Variants in TTC39B observed in about 807,000 individuals in gnomAD.
The protein encoded by TTC39B is tetratricopeptide repeat domain 39B, also known as tetratricopeptide repeat protein 39B.
In TTC39B, 92 loss-of-function variants were observed where a neutral mutation model predicts 96.6. The ratio of observed to expected loss-of-function variants is 0.95; its 90% CI spans 0.80 to 1.13. TTC39B has a LOEUF of 1.13. Ranked by LOEUF, TTC39B falls within the 50% of genes most tolerant of loss-of-function variation. The pLI is 0.00. For synonymous variants in TTC39B, 367 were observed against 299.4 expected, an observed-to-expected ratio of 1.23 and a Z score of -2.33; for missense variants, 955 against 809.3, an observed-to-expected ratio of 1.18 and a Z score of -2.18.
chr9:15,302,473 C>T (rs958185381), intron 1 of TTC39B, among the ~76,000 whole-genome samples: 4 of 123,188 alleles, frequency 3.2e-5, no homozygotes, highest in Admixed American at 1.1e-4. Flanking sequence ...AAAAATTAGC[C>T]GGGTGTGGTG....
intron 1 of TTC39B, among the ~76,000 whole-genome samples, chr9:15,281,362 T>C (rs955691028): frequency 5.3e-5 from 8 of 152,144 alleles, no homozygotes; most frequent in African/African-American, 1.9e-4. Flanking sequence ...CGAAATAATG[T>C]CAGCTCCCAT....
At chr9:15,261,077 C>G (rs910097630) in intron 2 of TTC39B, among the ~76,000 whole-genome samples, 1 of 152,222 alleles carries the variant, frequency 6.6e-6, no homozygotes, top group African/African-American at 2.4e-5. Context: ...CCTGACTTCT[C>G]TAAACTACCA....
intron 1 of TTC39B, among the ~76,000 whole-genome samples, chr9:15,285,564 G>C (rs926267704): frequency 6.6e-6 from 1 of 152,150 alleles, no homozygotes. Flanking sequence ...ATTTTTAAAA[G>C]AATATACAGG....
intron 2 of TTC39B, among the ~76,000 whole-genome samples, chr9:15,257,580 C>G (rs1352451420): frequency 1.3e-5 from 2 of 152,006 alleles, no homozygotes; most frequent in African/African-American, 4.8e-5. Flanking sequence ...TCCCAAGTAG[C>G]TGGAACTACA....
intron 1 of TTC39B, among the ~76,000 whole-genome samples, chr9:15,281,218 T>C (rs1407645665): frequency 6.6e-6 from 1 of 152,106 alleles, no homozygotes; most frequent in Non-Finnish European, 1.5e-5. Flanking sequence ...GTGTGTGGTC[T>C]TGGGCAAGGT....
chr9:15,295,507 C>T (rs570474), intron 1 of TTC39B, among the ~76,000 whole-genome samples: 72,570 of 152,104 alleles, frequency 0.48, 17,698 homozygotes, highest in East Asian at 0.65. Context: ...TTCCCTTCTG[C>T]TTCTTCTGTA....
rs1300159489 is a variant in TTC39B, at chr9:15,249,987, C to A, written c.275+17927G>T. The A allele has an allele frequency of 3.1e-6, 4 of 1,286,980 alleles. No homozygotes were observed. The Admixed American group carries it at 6.9e-5, about 22-fold the overall frequency. 79.7% of individuals were successfully genotyped at this position (1,286,980 alleles called of 1,614,324 possible). On this transcript the variant is annotated intron_variant, in intron 2 of 19. Transcript: ENST00000512701. ...CTATGAAGATGTCTTTCCCTCTCTT[C>A]TACCAGATTTTTTTTTAAGCCAACT...
chr9:15,237,240 G>A (rs148558837), intron 2 of TTC39B, among the ~76,000 whole-genome samples: 106 of 152,244 alleles, frequency 7.0e-4, no homozygotes, highest in African/African-American at 2.1e-3. Flanking sequence ...ACTTGAACCC[G>A]GGAGGCGGAG....
At chr9:15,301,682 G>A (rs1461885662) in intron 1 of TTC39B, among the ~76,000 whole-genome samples, 1 of 151,970 alleles carries the variant, frequency 6.6e-6, no homozygotes, top group African/African-American at 2.4e-5. Context: ...CTTGAACCCG[G>A]GAGGCAGAGG....
chr9:15,180,965 C>T (rs1818218934), intron 17 of TTC39B, among the ~76,000 whole-genome samples: 1 of 152,184 alleles, frequency 6.6e-6, no homozygotes, highest in Admixed American at 6.5e-5. Flanking sequence ...GTATCCCCCG[C>T]CCTGCTTAAA....
At chr9:15,274,807 G>A (rs1281122643) in intron 1 of TTC39B, among the ~76,000 whole-genome samples, 1 of 151,522 alleles carries the variant, frequency 6.6e-6, no homozygotes, top group African/African-American at 2.4e-5. Flanking sequence ...AATAGACTTA[G>A]AAAAAACTGG....
At chr9:15,234,637 G>A (rs1002207794) in intron 2 of TTC39B, among the ~76,000 whole-genome samples, 12 of 152,142 alleles carry the variant, frequency 7.9e-5, no homozygotes, top group African/African-American at 2.9e-4. Flanking sequence ...TGCCGTGTCT[G>A]TGTAGGGAGA....
intron 7 of TTC39B, among the ~76,000 whole-genome samples, chr9:15,201,475 G>A (rs1376125263): frequency 5.9e-5 from 9 of 152,190 alleles, no homozygotes; most frequent in African/African-American, 2.2e-4. Flanking sequence ...GGCCAGACAT[G>A]CCTCCTGGAA....
intron 17 of TTC39B, among the ~76,000 whole-genome samples, chr9:15,180,486 T>C (rs1052393962): frequency 6.6e-6 from 1 of 152,236 alleles, no homozygotes; most frequent in Non-Finnish European, 1.5e-5. Flanking sequence ...ATGGCCAGCA[T>C]TTAATAACTA....
At chr9:15,248,942 T>C (rs1418775208) in intron 2 of TTC39B, 1 of 152,198 alleles carries the variant, frequency 6.6e-6, no homozygotes, top group East Asian at 1.9e-4. Context: ...TTAAAAGTAT[T>C]TTGACTACTG....
Position 15,172,220 on chromosome 9 carries a change from A to G in TTC39B, c.1959-111T>C, listed in dbSNP as rs949258334. On this transcript the variant is annotated intron_variant, in intron 19 of 19. Coordinates refer to ENST00000512701, the Ensembl canonical transcript of TTC39B. Reference sequence around the variant, plus strand: ...CTTACTTACTTTCAAACTCTAATATACATAACCGTAGATCTTAGTAAAATG... The same window carrying G: ...CTTACTTACTTTCAAACTCTAATATGCATAACCGTAGATCTTAGTAAAATG... 4 of 657,020 alleles carry G rather than the reference A, an allele frequency of 6.1e-6. No individual in the cohort carries two copies. The East Asian group carries it at 1.3e-4, about 21-fold the overall frequency. The allele number at this position is 657,020 out of a possible 1,614,324, so 40.7% of individuals were successfully genotyped here. A position where few individuals can be genotyped will look rare whatever the true frequency, so the allele number is the denominator to read the frequency against.
At chr9:15,214,393 A>G in intron 3 of TTC39B, 144 bp from the exon 4 acceptor site, 1 of 624,686 alleles carries the variant, frequency 1.6e-6, no homozygotes, top group Non-Finnish European at 2.7e-6. Context: ...GATTCTGGAG[A>G]CAGGACAGGC....
chr9:15,250,340 A>G (rs1343955573), intron 2 of TTC39B: 1 of 433,998 alleles, frequency 2.3e-6, no homozygotes, highest in African/African-American at 2.1e-5. Context: ...TGGATTTATA[A>G]AAACCACAGA....
intron 1 of TTC39B, among the ~76,000 whole-genome samples, chr9:15,302,350 C>G (rs575148489): frequency 2.0e-5 from 3 of 151,226 alleles, no homozygotes; most frequent in Admixed American, 6.6e-5. Flanking sequence ...GGCGCGGTGG[C>G]TCACGCCTGT....
Sources: gnomAD v4.1 joint callset for allele counts (sites outside exome capture counted in the v4.1 genomes callset) on GRCh38, gnomAD v4.1.1 for gene constraint, MANE v1.5 for transcripts, NCBI Gene and HGNC (gene_info 2026-07-23, HGNC 2026-07-21) for gene names.